Variants in PTGR3 observed in about 807,000 individuals in gnomAD.
The protein encoded by PTGR3 is zinc binding alcohol dehydrogenase domain containing 2.
the PTGR3 span, chr18:75,200,279 T>A: frequency 1.3e-5 from 2 of 152,178 alleles, no homozygotes. Flanking sequence ...TTTCGCTGCT[T>A]TTCCTGTGTG....
the PTGR3 span, among the ~76,000 whole-genome samples, chr18:75,208,671 T>C: frequency 6.6e-6 from 1 of 152,032 alleles, no homozygotes; most frequent in Admixed American, 6.5e-5. Flanking sequence ...TCACATCACA[T>C]TCGCCTTCGC....
At chr18:75,208,754 G>T in the PTGR3 span, 1 of 1,168,118 alleles carries the variant, frequency 8.6e-7, no homozygotes, top group Non-Finnish European at 1.1e-6. Context: ...GCCGGAGTGT[G>T]GGCACGCGGG....
At chr18:75,200,845 T>C in the PTGR3 span, 1 of 152,360 alleles carries the variant, frequency 6.6e-6, no homozygotes, top group African/African-American at 2.4e-5. Flanking sequence ...CACGGAATCA[T>C]TTTTCTAATA....
At chr18:75,200,274 C>T in the PTGR3 span, 1 of 152,260 alleles carries the variant, frequency 6.6e-6, no homozygotes, top group Non-Finnish European at 1.5e-5. Flanking sequence ...GCAGGTTTCG[C>T]TGCTTTTCCT....
the PTGR3 span, chr18:75,202,045 C>G: frequency 6.2e-7 from 1 of 1,614,152 alleles, no homozygotes; most frequent in Non-Finnish European, 8.5e-7. Flanking sequence ...TCCGACAGTC[C>G]TCCGAGCTCT....
At chr18:75,206,598 T>G in the PTGR3 span, among the ~76,000 whole-genome samples, 1 of 152,206 alleles carries the variant, frequency 6.6e-6, no homozygotes, top group African/African-American at 2.4e-5. Flanking sequence ...AGGATCTTCC[T>G]ACAACGTGGT....
the PTGR3 span, among the ~76,000 whole-genome samples, chr18:75,204,953 C>T: frequency 1.3e-5 from 2 of 152,198 alleles, no homozygotes; most frequent in African/African-American, 2.4e-5. Flanking sequence ...CCATTTCTCA[C>T]CCCCGCTCTC....
the PTGR3 span, chr18:75,195,598 A>T: frequency 6.6e-6 from 1 of 152,126 alleles, no homozygotes; most frequent in Non-Finnish European, 1.5e-5. Context: ...ATTATTCTTT[A>T]AATCCCACAT....
the PTGR3 span, chr18:75,195,733 G>C: frequency 6.6e-6 from 1 of 152,060 alleles, no homozygotes; most frequent in Admixed American, 6.6e-5. Context: ...GGCAACGAGG[G>C]AGACCTTGTC....
the PTGR3 span, chr18:75,197,747 G>C: frequency 6.6e-6 from 1 of 152,208 alleles, no homozygotes; most frequent in Non-Finnish European, 1.5e-5. Flanking sequence ...GATAATTCTT[G>C]TGTTTAACCA....
At chr18:75,202,305 G>C in the PTGR3 span, 1 of 1,613,714 alleles carries the variant, frequency 6.2e-7, no homozygotes, top group Non-Finnish European at 8.5e-7. Context: ...GCGGCCTGCT[G>C]AATAGTTGAT....
the PTGR3 span, among the ~76,000 whole-genome samples, chr18:75,204,105 T>C: frequency 0.022 from 3,307 of 152,350 alleles, 124 homozygotes; most frequent in African/African-American, 0.076. Flanking sequence ...GTCCCCCTGG[T>C]GTCTCCACAG....
chr18:75,206,331 GA>G, the PTGR3 span, among the ~76,000 whole-genome samples: 1 of 151,894 alleles, frequency 6.6e-6, no homozygotes, highest in Non-Finnish European at 1.5e-5. Context: ...TTCACTGAAA[GA>G]AAAAAAATCA....
At chr18:75,208,257 G>A in the PTGR3 span, 7 of 923,166 alleles carry the variant, frequency 7.6e-6, no homozygotes, top group African/African-American at 1.8e-5. Context: ...ACACTCAGGG[G>A]ACAGACAACA....
chr18:75,209,045 A>G, the PTGR3 span: 1 of 1,545,572 alleles, frequency 6.5e-7, no homozygotes, highest in Non-Finnish European at 8.7e-7. This position sits in a 1 kb window ranked among gnomAD's most constrained non-coding sequence, Gnocchi z 4.7. Context: ...CCCGGTGGGC[A>G]CCAGCCGCAG....
the PTGR3 span, chr18:75,208,913 A>G: frequency 6.3e-7 from 1 of 1,577,986 alleles, no homozygotes; most frequent in Non-Finnish European, 8.6e-7. Flanking sequence ...GCTCAGGGTG[A>G]CGGCCTCGCG....
At chr18:75,201,780 A>G in the PTGR3 span, 1 of 1,614,248 alleles carries the variant, frequency 6.2e-7, no homozygotes, top group Non-Finnish European at 8.5e-7. Flanking sequence ...CAGGGCGTCT[A>G]CAGCCAAGTC....
the PTGR3 span, chr18:75,201,478 T>C: frequency 5.6e-6 from 9 of 1,614,090 alleles, no homozygotes; most frequent in East Asian, 2.2e-5. Flanking sequence ...TTTTTTCCCA[T>C]GTACATATAA....
At chr18:75,205,426 G>A in the PTGR3 span, 6 of 985,162 alleles carry the variant, frequency 6.1e-6, no homozygotes, top group African/African-American at 8.7e-5. Flanking sequence ...CAGGATTCTA[G>A]TAATCCGACG....
Sources: gnomAD v4.1 joint callset for allele counts (sites outside exome capture counted in the v4.1 genomes callset) on GRCh38, gnomAD v4.1.1 for gene constraint, Gnocchi (gnomAD v3.1) non-coding constraint, MANE v1.5 for transcripts, NCBI Gene and HGNC (gene_info 2026-07-23, HGNC 2026-07-21) for gene names.